Variants in NOX4 observed in about 807,000 individuals in gnomAD.
The protein encoded by NOX4 is kidney oxidase-1.
NOX4 carries 69 observed loss-of-function variants against 87.6 expected under a neutral mutation model. The observed-to-expected ratio is 0.79, with a 90% CI of 0.65 to 0.96. The LOEUF (loss-of-function observed/expected upper bound fraction) is 0.96. NOX4 is among the 40% of genes least tolerant of loss of function. The pLI, the probability that NOX4 is intolerant of heterozygous loss-of-function variation, is 0.00. For missense variants in NOX4, 680 were observed against 681.5 expected (o/e 1.00, Z 0.02); for synonymous variants, 275 against 238.2 (o/e 1.15, Z -1.42).
At chr11:89,444,466 A>AACACACACACACACACACAC (rs59319897) in intron 4 of NOX4, among the ~76,000 whole-genome samples, 12 of 147,134 alleles carry the variant, frequency 8.2e-5, no homozygotes, top group African/African-American at 3.0e-4. Flanking sequence ...GGATAAGAGA[A>AACACACACACACACACACAC]ACACACACAC....
At chr11:89,532,126 C>A in the NOX4 span, among the ~76,000 whole-genome samples, 1 of 152,184 alleles carries the variant, frequency 6.6e-6, no homozygotes, top group Non-Finnish European at 1.5e-5. Context: ...TTTGAGCTCC[C>A]ACACAAAAGT....
the NOX4 span, among the ~76,000 whole-genome samples, chr11:89,560,998 A>C: frequency 0.14 from 6,449 of 47,168 alleles, 261 homozygotes; most frequent in Non-Finnish European, 0.17. Flanking sequence ...CTCTCTCTCT[A>C]TATATATATA....
chr11:89,496,570 A>G (rs1280074830), upstream of NOX4, among the ~76,000 whole-genome samples: 1 of 147,270 alleles, frequency 6.8e-6, no homozygotes, highest in African/African-American at 2.6e-5. Flanking sequence ...ATGATAGATC[A>G]ATAGAGCTGT....
At chr11:89,462,986 C>G (rs1357568053) in intron 2 of NOX4, among the ~76,000 whole-genome samples, 2 of 151,722 alleles carry the variant, frequency 1.3e-5, no homozygotes, top group Non-Finnish European at 2.9e-5. Flanking sequence ...GTAAATTACT[C>G]ACAATGTTCT....
At chr11:89,332,261 T>A (rs1945507187) in intron 17 of NOX4, among the ~76,000 whole-genome samples, 1 of 151,966 alleles carries the variant, frequency 6.6e-6, no homozygotes, top group African/African-American at 2.4e-5. Context: ...AACCTAGTTA[T>A]TCTTAAATTG....
intron 11 of NOX4, among the ~76,000 whole-genome samples, 186 bp from the exon 12 acceptor site, chr11:89,373,678 C>A (rs750847833): frequency 4.6e-5 from 7 of 151,930 alleles, no homozygotes; most frequent in Non-Finnish European, 7.4e-5. Flanking sequence ...GTCAGTAAGA[C>A]AATCTACATT....
intron 8 of NOX4, among the ~76,000 whole-genome samples, chr11:89,419,322 G>A (rs1442229693): frequency 2.0e-5 from 3 of 151,998 alleles, no homozygotes; most frequent in African/African-American, 7.2e-5. Flanking sequence ...AAAAGTTGAA[G>A]AACAAAGTTA....
At chr11:89,575,060 G>A in the NOX4 span, among the ~76,000 whole-genome samples, 43 of 152,182 alleles carry the variant, frequency 2.8e-4, no homozygotes, top group African/African-American at 9.6e-4. Flanking sequence ...GCACGTGCCT[G>A]TAATCCCCAC....
intron 4 of NOX4, among the ~76,000 whole-genome samples, chr11:89,448,833 A>C (rs1944824371): frequency 6.6e-6 from 1 of 152,134 alleles, no homozygotes; most frequent in African/African-American, 2.4e-5. Flanking sequence ...CAGTTAGCCA[A>C]GATTGTACCG....
intron 7 of NOX4, among the ~76,000 whole-genome samples, chr11:89,425,011 GA>G (rs1943299402): frequency 1.3e-5 from 2 of 152,070 alleles, no homozygotes; most frequent in Admixed American, 1.3e-4. Context: ...TGAAGATTAG[GA>G]AGGGCTTAAA....
chr11:89,566,949 G>A, the NOX4 span, among the ~76,000 whole-genome samples: 1 of 152,164 alleles, frequency 6.6e-6, no homozygotes, highest in Non-Finnish European at 1.5e-5. Flanking sequence ...GAGCTGCTTG[G>A]AGAAGTGTCA....
the NOX4 span, among the ~76,000 whole-genome samples, chr11:89,542,825 A>T: frequency 6.6e-6 from 1 of 152,170 alleles, no homozygotes; most frequent in Non-Finnish European, 1.5e-5. Context: ...TTCTTCTCTC[A>T]TACTCCTGAG....
upstream of NOX4, among the ~76,000 whole-genome samples, chr11:89,492,714 A>G (rs1946888990): frequency 6.6e-6 from 1 of 152,146 alleles, no homozygotes; most frequent in Non-Finnish European, 1.5e-5. Context: ...TGTGACACCT[A>G]AAGGATCAGG....
At chr11:89,566,886 G>A in the NOX4 span, among the ~76,000 whole-genome samples, 3 of 152,108 alleles carry the variant, frequency 2.0e-5, no homozygotes, top group Non-Finnish European at 4.4e-5. Context: ...GACCTCTAGA[G>A]TATTAACCGT....
At chr11:89,454,576 T>A (rs1257594950) in intron 2 of NOX4, among the ~76,000 whole-genome samples, 1 of 152,112 alleles carries the variant, frequency 6.6e-6, no homozygotes, top group African/African-American at 2.4e-5. Flanking sequence ...CATTAAATTA[T>A]AATAAGAAAG....
the NOX4 span, among the ~76,000 whole-genome samples, chr11:89,588,734 C>G: frequency 1.3e-5 from 2 of 152,144 alleles, no homozygotes; most frequent in Non-Finnish European, 2.9e-5. Context: ...CATGGGGGAG[C>G]TGCATTTTTG....
the NOX4 span, among the ~76,000 whole-genome samples, chr11:89,520,696 A>G: frequency 6.6e-6 from 1 of 152,144 alleles, no homozygotes; most frequent in African/African-American, 2.4e-5. Flanking sequence ...AGTGCTAGCT[A>G]GAGCAATCAG....
chr11:89,446,487 A>AT (rs1462770345), intron 4 of NOX4, among the ~76,000 whole-genome samples: 1 of 149,448 alleles, frequency 6.7e-6, no homozygotes, highest in East Asian at 2.0e-4. Context: ...AGGTGAATAG[A>AT]TAAAAAAAAA....
At chr11:89,509,486 G>A in the NOX4 span, among the ~76,000 whole-genome samples, 1 of 152,034 alleles carries the variant, frequency 6.6e-6, no homozygotes, top group East Asian at 1.9e-4. Context: ...CTATCTCTAA[G>A]ACTCAACTTA....
Sources: allele counts gnomAD v4.1 joint callset (sites outside exome capture counted in the v4.1 genomes callset), GRCh38; gene constraint gnomAD v4.1.1; transcripts MANE v1.5; gene names NCBI Gene and HGNC (gene_info 2026-07-23, HGNC 2026-07-21).